Variants in BMPR2 observed in about 807,000 individuals in gnomAD.
BMPR2 encodes bone morphogenetic protein receptor type 2, also known as bone morphogenetic protein receptor type-2.
In BMPR2, 29 loss-of-function variants were observed where a neutral mutation model predicts 100.8. The observed-to-expected ratio is 0.29, with a 90% confidence interval of 0.21 to 0.39. The LOEUF (loss-of-function observed/expected upper bound fraction) is 0.39, where lower values mean the gene tolerates loss of function less well. BMPR2 is among the 10% of genes least tolerant of loss of function. BMPR2 has a pLI of 1.00. For synonymous variants in BMPR2, 382 were observed against 442.3 expected, an observed-to-expected ratio of 0.86 and a Z score of 1.71; for missense variants, 1,011 against 1,274.5, an observed-to-expected ratio of 0.79 and a Z score of 3.15.
Position 202,566,200 on chromosome 2 carries a change from A to G in BMPR2, c.*6254A>G, listed in dbSNP as rs1688759942. On this transcript the variant is annotated 3_prime_UTR_variant, in exon 13 of 13. Transcript: ENST00000374580. ...GCAACATGTGGGTTTTATCCATTTT[A>G]TTTATACCTTTAGATTTCAGAAACA... The G allele has an allele frequency of 6.6e-6, 1 of 152,512 alleles. No homozygotes were observed. The highest frequency in any genetic ancestry group is 1.5e-5 in the Non-Finnish European group (1 of 67,968). The allele number at this position is 152,512 out of a possible 1,614,324, so 9.4% of individuals were successfully genotyped here. A position where few individuals can be genotyped will look rare whatever the true frequency, so the allele number is the denominator to read the frequency against.
At chr2:202,488,510 G>T (rs964046316) in intron 3 of BMPR2, among the ~76,000 whole-genome samples, 3 of 151,798 alleles carry the variant, frequency 2.0e-5, no homozygotes, top group African/African-American at 7.3e-5. Context: ...CCAGGCTGGA[G>T]TGCGGTGGCA....
chr2:202,388,634 A>C (rs1015927250), intron 1 of BMPR2, among the ~76,000 whole-genome samples: 2 of 151,402 alleles, frequency 1.3e-5, no homozygotes, highest in African/African-American at 4.9e-5. Context: ...AAATACAAAA[A>C]AGAATTAGTT....
At chr2:202,424,568 C>T (rs1469428892) in intron 1 of BMPR2, among the ~76,000 whole-genome samples, 13 of 148,920 alleles carry the variant, frequency 8.7e-5, no homozygotes, top group Non-Finnish European at 1.8e-4. Flanking sequence ...TGGTGGCAGG[C>T]GCCTGTAATC....
At chr2:202,413,344 A>G (rs907086067) in intron 1 of BMPR2, among the ~76,000 whole-genome samples, 2 of 152,240 alleles carry the variant, frequency 1.3e-5, no homozygotes, top group Non-Finnish European at 2.9e-5. Flanking sequence ...TCAGTCAGTC[A>G]TGAGTTATAC....
intron 2 of BMPR2, among the ~76,000 whole-genome samples, chr2:202,466,102 A>G (rs1283214800): frequency 3.4e-4 from 52 of 152,150 alleles, no homozygotes; most frequent in Non-Finnish European, 1.0e-4. Flanking sequence ...CTTTAAACAT[A>G]ATTTTTTGAT....
chr2:202,416,660 G>T (rs973880185), intron 1 of BMPR2, among the ~76,000 whole-genome samples: 1 of 151,186 alleles, frequency 6.6e-6, no homozygotes, highest in South Asian at 2.1e-4. Context: ...TCTTGACCTC[G>T]TGATCCGCCC....
rs1688566558 is a variant in BMPR2, at chr2:202,556,120, C to T, written c.2455C>T (p.His819Tyr). The change falls in exon 12 of 13, where the codon CAT becomes TAT. Residue 819 changes from histidine (H) to tyrosine (Y), a missense_variant. His to Tyr is a moderately conservative substitution (Grantham distance 83). Coordinates refer to ENST00000374580, the MANE Select transcript of BMPR2 (RefSeq NM_001204.7). Reference protein sequence around the residue: ...VAGRNHSVNSHAATTQYANGT... With the variant: ...VAGRNHSVNSYAATTQYANGT... The stretch of plus-strand genomic sequence containing the variant: ...AGGTAGAAACCACAGTGTTAACTCC[C>T]ATGCTGCCACAACCCAATATGCCAA... The T allele has an allele frequency of 2.5e-6, 4 of 1,613,966 alleles. No individual in the cohort carries two copies. The highest frequency in any genetic ancestry group is 3.3e-5 in the Admixed American group (2 of 60,006).
rs781642759 is a variant in BMPR2, at chr2:202,555,319, A to G, written c.1654A>G (p.Ile552Val). 1.4e-5 allele frequency: 22 copies of G among 1,614,160 alleles called. No homozygotes were observed. The highest frequency in any genetic ancestry group is 1.8e-5 in the Non-Finnish European group (21 of 1,180,014). Residue 552 changes from isoleucine to valine, a missense_variant, in exon 12 of 13, where the codon ATT becomes GTT. Coordinates refer to ENST00000374580, the MANE Select transcript of BMPR2 (RefSeq NM_001204.7). Reference sequence around the variant, plus strand: ...TCCAGATTATTCTTCCTCCTCATACATTGAAGACTCTATCCATCATACTGA... The same window carrying G: ...TCCAGATTATTCTTCCTCCTCATACGTTGAAGACTCTATCCATCATACTGA... ...PYPDYSSSSYIEDSIHHTDSI... is the reference protein window; with the variant it reads ...PYPDYSSSSYVEDSIHHTDSI...
chr2:202,477,940 C>G (rs894283290), intron 3 of BMPR2, among the ~76,000 whole-genome samples: 2 of 152,094 alleles, frequency 1.3e-5, no homozygotes, highest in African/African-American at 4.8e-5. Flanking sequence ...TTCCGTTTTG[C>G]CCCCCTTTTA....
In BMPR2 at chr2:202,495,768, C is replaced by G. The variant is rs145760916; in HGVS notation, c.419-17951C>G. Among the ~76,000 whole-genome samples the G allele has an allele frequency of 0.01, 1,594 of 152,252 alleles. 33 individuals carry two copies. The highest frequency in any genetic ancestry group is 0.037 in the African/African-American group (1,519 of 41,538). On this transcript the variant is annotated intron_variant, in intron 3 of 12. Transcript: ENST00000374580. The surrounding 1 kb of genome is among the most constrained non-coding windows in gnomAD (Gnocchi z 4.5). ...AATGTTTTAAAACTTTTTTCATTCT[C>G]TCCAATATATGAATTAATAATCCAT... is the stretch of plus-strand genomic sequence containing the variant.
Position 202,377,099 on chromosome 2 carries a change from C to T in BMPR2, c.-376C>T, listed in dbSNP as rs973904281. On this transcript the variant is annotated 5_prime_UTR_variant, in exon 1 of 13. Transcript: ENST00000374580. The stretch of plus-strand genomic sequence containing the variant: ...CGACCCCGGATCGAATCCCCGCCCT[C>T]CGCACCCTGGATATGTTTTCTCCCA... The T allele has an allele frequency of 1.8e-6, 1 of 546,412 alleles. No homozygotes were observed. Among genetic ancestry groups the T allele is most frequent in the Non-Finnish European group, 3.2e-6 (1 of 311,114 alleles). 33.8% of individuals were successfully genotyped at this position (546,412 alleles called of 1,614,324 possible).
intron 3 of BMPR2, among the ~76,000 whole-genome samples, chr2:202,474,397 G>T (rs547423051): frequency 6.6e-5 from 10 of 151,932 alleles, no homozygotes; most frequent in South Asian, 4.2e-4. Flanking sequence ...TGAAGCGGAG[G>T]TTGCAGTAAG....
At chr2:202,441,430 T>C (rs7422693) in intron 1 of BMPR2, among the ~76,000 whole-genome samples, 72,944 of 148,600 alleles carry the variant, frequency 0.49, 19,258 homozygotes, top group African/African-American at 0.57. Flanking sequence ...AAAGGCTGGG[T>C]GCGGTGGCTC....
chr2:202,517,976 C>CTTTTTTTTTT (rs67110605), intron 5 of BMPR2, among the ~76,000 whole-genome samples: 30 of 88,416 alleles, frequency 3.4e-4, no homozygotes, highest in African/African-American at 4.7e-4. Flanking sequence ...CCACGCCTGA[C>CTTTTTTTTTT]TTTTTTTTTT....
intron 10 of BMPR2, among the ~76,000 whole-genome samples, chr2:202,546,785 G>A (rs576339723): frequency 1.3e-5 from 2 of 152,028 alleles, no homozygotes; most frequent in Admixed American, 6.6e-5. Flanking sequence ...TGTGTTTTTC[G>A]TAGAGATGGG....
rs770804811 is a variant in BMPR2 at position 202,464,848 on chromosome 2, C to T, written c.116C>T (p.Pro39Leu). 10 of 1,613,524 alleles carry T rather than the reference C, an allele frequency of 6.2e-6. No homozygotes were observed. The highest frequency in any genetic ancestry group is 1.6e-4 in the Middle Eastern group (1 of 6,078). Reference protein sequence around the residue: ...NQERLCAFKDPYQQDLGIGES... With the variant: ...NQERLCAFKDLYQQDLGIGES... ...GAACGGCTATGTGCGTTTAAAGATC[C>T]GTATCAGCAAGACCTTGGGATAGGT... is the stretch of plus-strand genomic sequence containing the variant. The change falls in exon 2 of 13, where the codon CCG (proline) becomes CTG (leucine). Residue 39 changes from proline to leucine, a missense_variant. Physicochemically the swap from Pro to Leu is moderately conservative, Grantham distance 98. Around this residue, in one of 6 missense-constraint regions of BMPR2, gnomAD observed 355 missense variants for 455.3 expected, o/e 0.78. Coordinates refer to ENST00000374580, the MANE Select transcript of BMPR2 (RefSeq NM_001204.7).
chr2:202,531,019 C>T (rs1688014615), intron 8 of BMPR2, 65 bp downstream of exon 8: 1 of 1,587,190 alleles, frequency 6.3e-7, no homozygotes, highest in African/African-American at 1.3e-5. Context: ...AAAACATCTA[C>T]TGGCCAGGTG....
At chr2:202,392,233 C>T (rs1690565468) in intron 1 of BMPR2, among the ~76,000 whole-genome samples, 1 of 151,994 alleles carries the variant, frequency 6.6e-6, no homozygotes, top group African/African-American at 2.4e-5. Context: ...TCACGCCTGG[C>T]TGGTTTTTGT....
At chr2:202,557,516 A>ACACAC (rs1559074821) in intron 12 of BMPR2, among the ~76,000 whole-genome samples, 1 of 112,500 alleles carries the variant, frequency 8.9e-6, no homozygotes. Context: ...CACACACACA[A>ACACAC]ATTAGCTGGG....
Sources: allele counts gnomAD v4.1 joint callset (sites outside exome capture counted in the v4.1 genomes callset), GRCh38; gene constraint gnomAD v4.1.1; regional missense constraint gnomAD v4.1.1; non-coding constraint Gnocchi (gnomAD v3.1); transcripts MANE v1.5; gene names NCBI Gene and HGNC (gene_info 2026-07-23, HGNC 2026-07-21).